The following ZFPM2 variants were observed in gnomAD, a reference collection of about 807,000 sequenced individuals.
ZFPM2 encodes zinc finger protein ZFPM2.
ZFPM2 carries 20 observed loss-of-function variants against 98.6 expected under a neutral mutation model. The observed-to-expected ratio is 0.20, with a 90% CI of 0.14 to 0.29. The LOEUF (loss-of-function observed/expected upper bound fraction) is 0.29. ZFPM2 is among the 10% of genes least tolerant of loss of function. The pLI, the probability that ZFPM2 is intolerant of heterozygous loss-of-function variation, is 1.00. For synonymous variants in ZFPM2, 518 were observed against 502.7 expected, an observed-to-expected ratio of 1.03 and a Z score of -0.41; for missense variants, 1,310 against 1,388.6, an observed-to-expected ratio of 0.94 and a Z score of 0.90.
At chr8:105,656,676 A>G (rs1203939498) in intron 5 of ZFPM2, among the ~76,000 whole-genome samples, 2 of 152,216 alleles carry the variant, frequency 1.3e-5, no homozygotes, top group Non-Finnish European at 2.9e-5. Context: ...CTGTGTCAAT[A>G]GAAGAATCTC....
At chr8:105,499,773 A>C (rs1452062091) in intron 3 of ZFPM2, among the ~76,000 whole-genome samples, 2 of 152,138 alleles carry the variant, frequency 1.3e-5, no homozygotes, top group Non-Finnish European at 2.9e-5. Flanking sequence ...AGTTTTTACT[A>C]ATAGCAGTTG....
intron 5 of ZFPM2, among the ~76,000 whole-genome samples, chr8:105,757,154 A>G (rs1812620513): frequency 6.6e-6 from 1 of 152,162 alleles, no homozygotes. Context: ...TTATGTTACA[A>G]CTTTTAAAAT....
intron 4 of ZFPM2, among the ~76,000 whole-genome samples, chr8:105,580,844 T>TATATATAA (rs537301301): frequency 1.1e-4 from 17 of 148,744 alleles, no homozygotes; most frequent in South Asian, 8.5e-4. Flanking sequence ...TATATATATA[T>TATATATAA]AAATCACTGA....
chr8:105,468,895 C>G (rs1051308068), intron 3 of ZFPM2, among the ~76,000 whole-genome samples: 5 of 152,030 alleles, frequency 3.3e-5, no homozygotes, highest in African/African-American at 1.2e-4. Context: ...CTAAAACTCT[C>G]CAGTCTTTGA....
At chr8:105,359,627 G>A (rs559665585) in intron 1 of ZFPM2, among the ~76,000 whole-genome samples, 20 of 152,192 alleles carry the variant, frequency 1.3e-4, no homozygotes, top group African/African-American at 4.3e-4. Flanking sequence ...ACCCGCCTCA[G>A]CCTCCCAGAG....
intron 5 of ZFPM2, chr8:105,662,420 C>G (rs963871046): frequency 2.6e-5 from 4 of 152,026 alleles, no homozygotes; most frequent in Non-Finnish European, 4.4e-5. Flanking sequence ...ACCCCTGTAT[C>G]AACTTGGGTA....
intron 3 of ZFPM2, among the ~76,000 whole-genome samples, chr8:105,455,044 A>G (rs1812560086): frequency 6.6e-6 from 1 of 152,188 alleles, no homozygotes; most frequent in South Asian, 2.1e-4. Flanking sequence ...CAAATCTGAA[A>G]ATTCAAAATC....
intron 2 of ZFPM2, among the ~76,000 whole-genome samples, chr8:105,422,345 A>G (rs1341446481): frequency 6.6e-6 from 1 of 151,898 alleles, no homozygotes; most frequent in African/African-American, 2.4e-5. Context: ...GCTGAGGCAG[A>G]CAGAATTGCT....
At chr8:105,377,452 A>G (rs919688665) in intron 1 of ZFPM2, among the ~76,000 whole-genome samples, 1 of 151,914 alleles carries the variant, frequency 6.6e-6, no homozygotes, top group African/African-American at 2.4e-5. Context: ...CTCTAGAAAC[A>G]TTTGTTGAAT....
intron 1 of ZFPM2, among the ~76,000 whole-genome samples, chr8:105,322,267 A>G (rs1812040676): frequency 6.6e-6 from 1 of 152,098 alleles, no homozygotes; most frequent in Non-Finnish European, 1.5e-5. Context: ...TATGACAGAA[A>G]TGATGATTTT....
intron 1 of ZFPM2, among the ~76,000 whole-genome samples, chr8:105,394,474 T>A (rs1270013666): frequency 6.6e-6 from 1 of 152,234 alleles, no homozygotes; most frequent in Non-Finnish European, 1.5e-5. Context: ...GAGAGTGTTT[T>A]AAAATGTTAT....
intron 5 of ZFPM2, among the ~76,000 whole-genome samples, chr8:105,657,899 C>G (rs899061402): frequency 3.3e-5 from 5 of 152,068 alleles, no homozygotes; most frequent in Non-Finnish European, 7.4e-5. Context: ...TTAATAGAAA[C>G]AATTCAGCCC....
chr8:105,465,098 G>A, intron 3 of ZFPM2, among the ~76,000 whole-genome samples: 1 of 151,660 alleles, frequency 6.6e-6, no homozygotes, highest in Non-Finnish European at 1.5e-5. Context: ...CTTTCACTGA[G>A]TATACCAGAG....
intron 5 of ZFPM2, among the ~76,000 whole-genome samples, chr8:105,741,065 G>A (rs1812204229): frequency 6.6e-6 from 1 of 152,032 alleles, no homozygotes; most frequent in Non-Finnish European, 1.5e-5. Context: ...AAAGGAGGAG[G>A]ACAGTGTAGC....
chr8:105,408,881 TG>T (rs1811520602), intron 1 of ZFPM2, among the ~76,000 whole-genome samples: 1 of 151,862 alleles, frequency 6.6e-6, no homozygotes, highest in Non-Finnish European at 1.5e-5. Flanking sequence ...TTCAAGGTGG[TG>T]GTGGTGCTAA....
At chr8:105,639,590 C>A (rs2130848615) in intron 5 of ZFPM2, among the ~76,000 whole-genome samples, 1 of 152,130 alleles carries the variant, frequency 6.6e-6, no homozygotes, top group Non-Finnish European at 1.5e-5. Context: ...TTGATTTTCT[C>A]AGCTGTGAAA....
intron 5 of ZFPM2, among the ~76,000 whole-genome samples, chr8:105,769,120 T>A (rs1812925611): frequency 6.6e-6 from 1 of 152,068 alleles, no homozygotes; most frequent in South Asian, 2.1e-4. Context: ...TCTATCAGGA[T>A]GTTCATGTTT....
At chr8:105,380,712 T>C (rs1311261806) in intron 1 of ZFPM2, among the ~76,000 whole-genome samples, 1 of 38,380 alleles carries the variant, frequency 2.6e-5, no homozygotes, top group Non-Finnish European at 3.9e-5. Context: ...ATAATATATA[T>C]ATATATTATA....
intron 2 of ZFPM2, among the ~76,000 whole-genome samples, chr8:105,431,916 T>C (rs972113639): frequency 1.4e-5 from 1 of 73,384 alleles, no homozygotes; most frequent in Non-Finnish European, 2.3e-5. Flanking sequence ...AGCAAGACTG[T>C]GTCTCAAAAA....
Sources: gnomAD v4.1 joint callset for allele counts (sites outside exome capture counted in the v4.1 genomes callset) on GRCh38, gnomAD v4.1.1 for gene constraint, MANE v1.5 for transcripts, NCBI Gene and HGNC (gene_info 2026-07-23, HGNC 2026-07-21) for gene names.